Variants in EYA4 observed in about 807,000 individuals in gnomAD.
EYA4 encodes the protein EYA transcriptional coactivator and phosphatase 4.
Under a neutral mutation model 87.9 loss-of-function variants are expected in EYA4, and 31 were observed. The ratio of observed to expected loss-of-function variants is 0.35; its 90% confidence interval spans 0.27 to 0.48. The LOEUF (loss-of-function observed/expected upper bound fraction) is 0.48. Ranked by LOEUF, EYA4 falls within the 20% of genes least tolerant of loss-of-function variation. The probability of loss-of-function intolerance (pLI) is 0.99; values close to 1 mark genes in which losing one functional copy is unlikely to be tolerated. For synonymous variants in EYA4, 263 were observed against 270.6 expected, an observed-to-expected ratio of 0.97 and a Z score of 0.28; for missense variants, 678 against 761.4, an observed-to-expected ratio of 0.89 and a Z score of 1.29.
chr6:133,296,114 T>TA (rs1361884853), intron 2 of EYA4, among the ~76,000 whole-genome samples: 1 of 152,130 alleles, frequency 6.6e-6, no homozygotes, highest in Non-Finnish European at 1.5e-5. Flanking sequence ...CTTATGGGAA[T>TA]ACATGAGGAA....
At chr6:133,331,353 T>C (rs982670418) in intron 2 of EYA4, among the ~76,000 whole-genome samples, 2 of 152,198 alleles carry the variant, frequency 1.3e-5, no homozygotes, top group Non-Finnish European at 2.9e-5. Context: ...ATCAGCAGAA[T>C]GGCAGAACCC....
chr6:133,430,356 T>C (rs1238525588), intron 3 of EYA4, among the ~76,000 whole-genome samples: 1 of 152,242 alleles, frequency 6.6e-6, no homozygotes, highest in Non-Finnish European at 1.5e-5. Flanking sequence ...CTAATTTTAC[T>C]TTCTACCTCA....
intron 1 of EYA4, among the ~76,000 whole-genome samples, chr6:133,273,097 G>GTATATATATATATATATATACA (rs3065331): frequency 4.7e-5 from 5 of 106,636 alleles, no homozygotes; most frequent in African/African-American, 9.5e-5. Context: ...ATATATATAT[G>GTATATATATATATATATATACA]TATATATATA....
At chr6:133,415,924 A>G (rs1789675224) in intron 3 of EYA4, among the ~76,000 whole-genome samples, 1 of 152,252 alleles carries the variant, frequency 6.6e-6, no homozygotes, top group South Asian at 2.1e-4. Context: ...CATTTAGTTT[A>G]TTCTGAATGG....
At chr6:133,355,236 T>A (rs970459672) in intron 2 of EYA4, among the ~76,000 whole-genome samples, 8 of 152,124 alleles carry the variant, frequency 5.3e-5, no homozygotes, top group African/African-American at 1.7e-4. Flanking sequence ...ATCCTCTCCC[T>A]CCTGCCACCC....
intron 3 of EYA4, among the ~76,000 whole-genome samples, chr6:133,416,715 A>C (rs1789745774): frequency 6.6e-6 from 1 of 152,222 alleles, no homozygotes; most frequent in Non-Finnish European, 1.5e-5. Flanking sequence ...GAGGCCCCAA[A>C]TGTATTTCAG....
At chr6:133,491,065 G>C (rs1258687911) in intron 13 of EYA4, among the ~76,000 whole-genome samples, 1 of 152,096 alleles carries the variant, frequency 6.6e-6, no homozygotes, top group African/African-American at 2.4e-5. Flanking sequence ...TTTGGAAACT[G>C]TGCAAGCACA....
At chr6:133,386,125 T>A (rs1786726985) in intron 3 of EYA4, among the ~76,000 whole-genome samples, 1 of 152,144 alleles carries the variant, frequency 6.6e-6, no homozygotes, top group African/African-American at 2.4e-5. Flanking sequence ...ATAAAATGAA[T>A]TTATGAGAAA....
At chr6:133,345,754 G>C (rs1207630245) in intron 2 of EYA4, among the ~76,000 whole-genome samples, 1 of 151,988 alleles carries the variant, frequency 6.6e-6, no homozygotes, top group Non-Finnish European at 1.5e-5. Flanking sequence ...TTTTAGAAAG[G>C]GGTAAAGTAA....
At chr6:133,469,821 A>G (rs1795172309) in intron 11 of EYA4, among the ~76,000 whole-genome samples, 1 of 152,060 alleles carries the variant, frequency 6.6e-6, no homozygotes, top group South Asian at 2.1e-4. Flanking sequence ...CACAATTCAT[A>G]CAAGAAAAGA....
chr6:133,501,868 C>T (rs898386758), intron 13 of EYA4, among the ~76,000 whole-genome samples: 1 of 152,186 alleles, frequency 6.6e-6, no homozygotes, highest in Non-Finnish European at 1.5e-5. Flanking sequence ...GGCAGAGGCC[C>T]GTAGACAGAC....
At position 133,414,345 on chromosome 6, in the gene EYA4, A is replaced by C. The variant is rs184296112; in HGVS notation, c.83+31904A>C. ...TCTGCCAACAACCTTTGTCTGACTC[A>C]CACACTCCCAAGGTTTCATGAAGAA... is the stretch of plus-strand genomic sequence containing the variant. On this transcript the variant is annotated intron_variant, in intron 3 of 19. Coordinates refer to ENST00000355286, the MANE Select transcript of EYA4 (RefSeq NM_004100.5). Among the ~76,000 whole-genome samples the C allele has an allele frequency of 2.2e-3, 342 of 152,328 alleles. 1 individual carries two copies. The highest frequency in any genetic ancestry group is 2.7e-3 in the Non-Finnish European group (182 of 68,038).
intron 2 of EYA4, among the ~76,000 whole-genome samples, chr6:133,355,818 T>C (rs554595753): frequency 6.6e-6 from 1 of 152,348 alleles, no homozygotes; most frequent in African/African-American, 2.4e-5. Flanking sequence ...ATTAGAAATA[T>C]AATTCTCAAA....
chr6:133,463,354 C>CTTTTT (rs571663764), intron 9 of EYA4, among the ~76,000 whole-genome samples: 6 of 115,246 alleles, frequency 5.2e-5, no homozygotes, highest in East Asian at 2.6e-4. Flanking sequence ...TGTGTTTTAT[C>CTTTTT]TTTTTTTTTT....
At chr6:133,399,617 T>A (rs1441538805) in intron 3 of EYA4, among the ~76,000 whole-genome samples, 1 of 152,234 alleles carries the variant, frequency 6.6e-6, no homozygotes, top group Non-Finnish European at 1.5e-5. Context: ...AGTAGTTATA[T>A]GGCATTGAAT....
intron 2 of EYA4, among the ~76,000 whole-genome samples, chr6:133,278,543 T>C (rs956975875): frequency 6.6e-6 from 1 of 152,198 alleles, no homozygotes; most frequent in East Asian, 1.9e-4. Flanking sequence ...ATACTTTTAG[T>C]GAGGTATGTT....
chr6:133,418,258 T>TTG (rs1263294187), intron 3 of EYA4, among the ~76,000 whole-genome samples: 2 of 152,122 alleles, frequency 1.3e-5, no homozygotes, highest in Non-Finnish European at 2.9e-5. Flanking sequence ...TCCTAGGAGT[T>TTG]TGTGCATAGA....
Position 133,274,725 on chromosome 6 carries a change from T to G in EYA4, c.-56T>G. 1 of 1,484,134 alleles carries G rather than the reference T, an allele frequency of 6.7e-7. No individual in the cohort carries two copies. The highest frequency in any genetic ancestry group is 9.4e-7 in the Non-Finnish European group (1 of 1,062,132). 91.9% of individuals were successfully genotyped at this position (1,484,134 alleles called of 1,614,324 possible). ...CATCTTCTTGTTTTAGATAGTCATTTTTACTTGAAGGAAGCTGCTTCTACT... is the reference window on the plus strand; with the variant it reads ...CATCTTCTTGTTTTAGATAGTCATTGTTACTTGAAGGAAGCTGCTTCTACT... On this transcript the variant is annotated 5_prime_UTR_variant, in exon 2 of 20. Coordinates refer to ENST00000355286, the MANE Select transcript of EYA4 (RefSeq NM_004100.5).
At chr6:133,341,803 A>G (rs920664180) in intron 2 of EYA4, among the ~76,000 whole-genome samples, 1 of 152,032 alleles carries the variant, frequency 6.6e-6, no homozygotes, top group African/African-American at 2.4e-5. Flanking sequence ...CTTAAGGGGA[A>G]AAAAAAACTT....
Sources: gnomAD v4.1 joint callset for allele counts (sites outside exome capture counted in the v4.1 genomes callset) on GRCh38, gnomAD v4.1.1 for gene constraint, MANE v1.5 for transcripts, NCBI Gene and HGNC (gene_info 2026-07-23, HGNC 2026-07-21) for gene names.